The following VPS13B variants were observed in gnomAD, a reference collection of about 807,000 sequenced individuals.
VPS13B encodes the protein intermembrane lipid transfer protein VPS13B.
VPS13B carries 285 observed loss-of-function variants against 426.4 expected under a neutral mutation model. The ratio of observed to expected loss-of-function variants is 0.67; its 90% CI spans 0.61 to 0.74. The LOEUF (loss-of-function observed/expected upper bound fraction) is 0.74. VPS13B is among the 30% of genes least tolerant of loss of function. The pLI is 0.00. For synonymous variants in VPS13B, 1,676 were observed against 1,676.4 expected, an observed-to-expected ratio of 1.00 and a Z score of 0.01; for missense variants, 4,537 against 4,782.6, an observed-to-expected ratio of 0.95 and a Z score of 1.51.
intron 33 of VPS13B, among the ~76,000 whole-genome samples, chr8:99,607,774 A>C (rs1270317376): frequency 6.6e-6 from 1 of 152,132 alleles, no homozygotes; most frequent in Non-Finnish European, 1.5e-5. Flanking sequence ...TTACCATATA[A>C]AAATTAAAAT....
At chr8:99,528,383 C>T (rs573667651) in intron 30 of VPS13B, among the ~76,000 whole-genome samples, 1 of 152,104 alleles carries the variant, frequency 6.6e-6, no homozygotes, top group East Asian at 1.9e-4. Context: ...TGCAGCTATT[C>T]AACAGACATT....
At chr8:99,322,592 T>A (rs928011917) in intron 19 of VPS13B, among the ~76,000 whole-genome samples, 4 of 152,240 alleles carry the variant, frequency 2.6e-5, no homozygotes, top group African/African-American at 7.2e-5. Context: ...GCTCTTTAAA[T>A]GTTGAATTGG....
At chr8:99,413,490 T>C (rs1026917870) in intron 21 of VPS13B, among the ~76,000 whole-genome samples, 1 of 152,106 alleles carries the variant, frequency 6.6e-6, no homozygotes, top group Non-Finnish European at 1.5e-5. Context: ...ATTTGTTTGC[T>C]GTTGTTTCTC....
intron 17 of VPS13B, among the ~76,000 whole-genome samples, chr8:99,200,308 G>T (rs1814230967): frequency 6.6e-6 from 1 of 151,916 alleles, no homozygotes; most frequent in Non-Finnish European, 1.5e-5. Flanking sequence ...ATCAGTTGAT[G>T]GACCTTTGCA....
At chr8:99,820,156 A>C (rs778168127) in intron 49 of VPS13B, 34 bp downstream of exon 49, 47 of 1,582,092 alleles carry the variant, frequency 3.0e-5, no homozygotes, top group Middle Eastern at 1.8e-4. Context: ...ACGAATTCTT[A>C]TCTCTCAACA....
At chr8:99,081,188 T>C (rs1278058822) in intron 3 of VPS13B, among the ~76,000 whole-genome samples, 1 of 152,236 alleles carries the variant, frequency 6.6e-6, no homozygotes, top group Non-Finnish European at 1.5e-5. Context: ...CATCCTTACA[T>C]GACAATTTTC....
intron 21 of VPS13B, among the ~76,000 whole-genome samples, chr8:99,400,547 T>TTAATGTAATAAAGCGTGTAAGG (rs2133333858): frequency 1.3e-5 from 2 of 152,372 alleles, no homozygotes; most frequent in South Asian, 4.1e-4. Flanking sequence ...GTATCACTAT[T>TTAATGTAATAAAGCGTGTAAGG]TAATGTAATA....
At chr8:99,857,212 A>G (rs922536932) in intron 56 of VPS13B, among the ~76,000 whole-genome samples, 2 of 152,112 alleles carry the variant, frequency 1.3e-5, no homozygotes, top group Non-Finnish European at 2.9e-5. Flanking sequence ...TTCCAACCCC[A>G]CGACAGGGGA....
At chr8:99,386,632 GA>G (rs1346575588) in intron 20 of VPS13B, among the ~76,000 whole-genome samples, 2 of 152,150 alleles carry the variant, frequency 1.3e-5, no homozygotes, top group African/African-American at 4.8e-5. Flanking sequence ...ATTGTTGACT[GA>G]AACATTGTTA....
intron 33 of VPS13B, among the ~76,000 whole-genome samples, chr8:99,635,336 A>G (rs1829026862): frequency 6.6e-6 from 1 of 151,986 alleles, no homozygotes; most frequent in South Asian, 2.1e-4. Flanking sequence ...GACTTTTTAT[A>G]ATTTATAAGA....
chr8:99,063,855 C>G (rs995107926), intron 3 of VPS13B, among the ~76,000 whole-genome samples: 3 of 152,160 alleles, frequency 2.0e-5, no homozygotes, highest in Non-Finnish European at 4.4e-5. Context: ...AGGTGCCCCT[C>G]TGGGACGGAG....
At position 99,028,148 on chromosome 8, in the gene VPS13B, A is replaced by G. The variant is rs554598553; in HGVS notation, c.148-10275A>G. On this transcript the variant is annotated intron_variant, in intron 2 of 61. Coordinates refer to ENST00000357162, the MANE Select transcript of VPS13B (RefSeq NM_152564.5). ...GACCCGGCAACCATCCGATTTCTCAATCTTTTCCCCACCCTTCCCGCCTTT... is the reference window on the plus strand; with the variant it reads ...GACCCGGCAACCATCCGATTTCTCAGTCTTTTCCCCACCCTTCCCGCCTTT... Among the ~76,000 whole-genome samples, 591 of 152,096 alleles carry G rather than the reference A, an allele frequency of 3.9e-3. 6 individuals carry two copies. Among genetic ancestry groups the G allele is most frequent in the African/African-American group, 0.013 (524 of 41,494 alleles).
At chr8:99,389,523 A>G (rs1397028740) in intron 20 of VPS13B, 20 of 152,192 alleles carry the variant, frequency 1.3e-4, no homozygotes. Context: ...TATTTTATAT[A>G]TGTGCTATAT....
chr8:99,029,024 G>C (rs1842341850), intron 2 of VPS13B, among the ~76,000 whole-genome samples: 1 of 151,394 alleles, frequency 6.6e-6, no homozygotes, highest in East Asian at 2.0e-4. Context: ...TCTCAGACGG[G>C]GTGGTTGCCA....
At chr8:99,638,699 A>G (rs538556682) in intron 33 of VPS13B, among the ~76,000 whole-genome samples, 4 of 152,306 alleles carry the variant, frequency 2.6e-5, no homozygotes, top group African/African-American at 9.6e-5. Flanking sequence ...GATTCTTTGA[A>G]GTATGATCAG....
intron 35 of VPS13B, among the ~76,000 whole-genome samples, chr8:99,665,797 T>C (rs1453172715): frequency 6.6e-6 from 1 of 152,184 alleles, no homozygotes; most frequent in East Asian, 1.9e-4. Context: ...GACTTGGCGA[T>C]GCGGGCTCTT....
At chr8:99,022,615 A>T (rs1841954293) in intron 2 of VPS13B, among the ~76,000 whole-genome samples, 1 of 152,208 alleles carries the variant, frequency 6.6e-6, no homozygotes, top group South Asian at 2.1e-4. Flanking sequence ...ATCACTTACC[A>T]GAAATTGGTC....
rs779535734 is a variant in VPS13B, at chr8:99,820,132, CT to C, written c.8994+16del. On this transcript the variant is annotated intron_variant, in intron 49 of 61. Transcript: ENST00000357162. ...TCCTCCTAATTTTCAGGTACTATAA[CT>C]TTTTTAACTAATACGAATTCTTATC... is the stretch of plus-strand genomic sequence containing the variant. 3 of 1,610,714 alleles carry C rather than the reference CT, an allele frequency of 1.9e-6. No individual in the cohort carries two copies. The highest frequency in any genetic ancestry group is 1.7e-6 in the Non-Finnish European group (2 of 1,177,400).
Position 99,511,392 on chromosome 8 carries a change from C to T in VPS13B, c.4513C>T (p.Pro1505Ser), listed in dbSNP as rs1250547327. 1.2e-6 allele frequency: 2 copies of T among 1,613,854 alleles called. No homozygotes were observed. Among genetic ancestry groups the T allele is most frequent in the South Asian group, 1.1e-5 (1 of 91,076 alleles). ...GACCCAAAAAGAGAAAAGAAAATCT[C>T]CTGGTCAGCCCATGAGGACCCATAC... ...PKTQKEKRKS[P>S]GQPMRTHTLT... Residue 1505 changes from proline (P) to serine (S), a missense_variant, in exon 29 of 62, where the codon CCT (proline) becomes TCT (serine). Physicochemically the swap from Pro to Ser is moderately conservative, Grantham distance 74. Coordinates refer to ENST00000357162, the MANE Select transcript of VPS13B (RefSeq NM_152564.5).
Sources: gnomAD v4.1 joint callset for allele counts (sites outside exome capture counted in the v4.1 genomes callset) on GRCh38, gnomAD v4.1.1 for gene constraint, MANE v1.5 for transcripts, NCBI Gene and HGNC (gene_info 2026-07-23, HGNC 2026-07-21) for gene names.